The following CELF4 variants were observed in gnomAD, a reference collection of about 807,000 sequenced individuals.
CELF4 encodes CUG-BP- and ETR-3-like factor 4.
CELF4 carries 18 observed loss-of-function variants against 59.9 expected under a neutral mutation model. The ratio of observed to expected loss-of-function variants is 0.30; its 90% CI spans 0.21 to 0.45. The LOEUF is 0.45. CELF4 is among the 20% of genes least tolerant of loss of function. The pLI is 1.00. For missense variants in CELF4, 456 were observed against 689.0 expected (o/e 0.66, Z 3.79); for synonymous variants, 261 against 267.1 (o/e 0.98, Z 0.22).
intron 2 of CELF4, among the ~76,000 whole-genome samples, chr18:37,337,687 C>T (rs192688716): frequency 6.6e-6 from 1 of 152,320 alleles, no homozygotes; most frequent in East Asian, 1.9e-4. Context: ...GCCCCTTTAT[C>T]TTCAGCACAA....
At chr18:37,468,592 C>T (rs1201602908) in intron 2 of CELF4, among the ~76,000 whole-genome samples, 1 of 152,162 alleles carries the variant, frequency 6.6e-6, no homozygotes, top group Non-Finnish European at 1.5e-5. Flanking sequence ...GGATTTCCTT[C>T]TCCTGTTGTG....
intron 2 of CELF4, among the ~76,000 whole-genome samples, chr18:37,426,895 T>A (rs2099616586): frequency 6.7e-6 from 1 of 149,380 alleles, no homozygotes; most frequent in Non-Finnish European, 1.5e-5. Flanking sequence ...TACTTGGCTC[T>A]CCCGAAAAGC....
intron 2 of CELF4, among the ~76,000 whole-genome samples, chr18:37,391,137 C>T (rs1351593831): frequency 1.3e-5 from 2 of 152,004 alleles, no homozygotes; most frequent in Non-Finnish European, 2.9e-5. Context: ...GGGAGGGGTC[C>T]CTAAATCACA....
At position 37,337,924 on chromosome 18, in the gene CELF4, C is replaced by T. The variant is rs947968226; in HGVS notation, c.370-16043G>A. Among the ~76,000 whole-genome samples, 166 of 152,216 alleles carry T rather than the reference C, an allele frequency of 1.1e-3. 2 individuals carry two copies. The highest frequency in any genetic ancestry group is 4.0e-4 in the Non-Finnish European group (27 of 68,042). ...GCCTGTCTGTGTTTAACCTGACCCC[C>T]GCCCCATGTTTGCAACAAACATCTG... On this transcript the variant is annotated intron_variant, in intron 2 of 12. Coordinates refer to ENST00000420428, the MANE Select transcript of CELF4 (RefSeq NM_020180.4).
chr18:37,384,012 G>A (rs1011348560), intron 2 of CELF4, among the ~76,000 whole-genome samples: 10 of 152,178 alleles, frequency 6.6e-5, no homozygotes, highest in African/African-American at 1.2e-4. Context: ...CTGCACTGAC[G>A]GCTCCTCCAC....
chr18:37,427,236 TG>T (rs1317441713), intron 2 of CELF4, among the ~76,000 whole-genome samples: 6 of 152,180 alleles, frequency 3.9e-5, no homozygotes, highest in Non-Finnish European at 8.8e-5. Flanking sequence ...GGAGGGGTTC[TG>T]GGGTGGCCTC....
chr18:37,367,684 T>C (rs567613141), intron 2 of CELF4, among the ~76,000 whole-genome samples: 12 of 151,076 alleles, frequency 7.9e-5, no homozygotes, highest in African/African-American at 2.7e-4. Context: ...CTGTGTTTTT[T>C]TCTTTTCTTT....
rs151165235 is a variant in CELF4 at position 37,285,154 on chromosome 18, T to TC, written c.449-9912dup. ...CTGCAAGGGAGTGGGCTCATGGGAT[T>TC]CCCATTGCCTGGGGTCCCAGTTAGG... is the stretch of plus-strand genomic sequence containing the variant. On this transcript the variant is annotated intron_variant, in intron 3 of 12. Coordinates refer to ENST00000420428, the MANE Select transcript of CELF4 (RefSeq NM_020180.4). Among the ~76,000 whole-genome samples the TC allele has an allele frequency of 8.1e-3, 1,228 of 152,324 alleles. 17 individuals are homozygous for TC. The highest frequency in any genetic ancestry group is 0.028 in the African/African-American group (1,180 of 41,576).
At chr18:37,531,087 G>C (rs1289261670) in intron 1 of CELF4, among the ~76,000 whole-genome samples, 1 of 152,100 alleles carries the variant, frequency 6.6e-6, no homozygotes, top group Non-Finnish European at 1.5e-5. Flanking sequence ...GAGGTCACAG[G>C]CTTGTCGGTG....
chr18:37,428,529 C>T (rs2099628382), intron 2 of CELF4, among the ~76,000 whole-genome samples: 1 of 152,176 alleles, frequency 6.6e-6, no homozygotes. Flanking sequence ...GTAGCTGCAT[C>T]AGAACTCACA....
chr18:37,372,512 T>C (rs1473047906), intron 2 of CELF4, among the ~76,000 whole-genome samples: 1 of 152,048 alleles, frequency 6.6e-6, no homozygotes, highest in Non-Finnish European at 1.5e-5. Context: ...AGGATAGCAT[T>C]AAGAGAAATA....
At chr18:37,459,077 C>G (rs547252545) in intron 2 of CELF4, among the ~76,000 whole-genome samples, 1 of 152,324 alleles carries the variant, frequency 6.6e-6, no homozygotes, top group South Asian at 2.1e-4. Context: ...GCTTTCCGGG[C>G]TCATCGCTGA....
intron 3 of CELF4, among the ~76,000 whole-genome samples, chr18:37,280,923 G>T (rs1602313732): frequency 6.6e-6 from 1 of 152,276 alleles, no homozygotes; most frequent in East Asian, 1.9e-4. Flanking sequence ...AAAGCATTGG[G>T]TGACACCCGG....
In CELF4 at chr18:37,281,070, C is replaced by T. The variant is rs147395924; in HGVS notation, c.449-5827G>A. The stretch of plus-strand genomic sequence containing the variant: ...CAGGGTATCAGGGAAGGATGGGGCT[C>T]GGGCTGAAAGGATTTGTATTTTAAA... On this transcript the variant is annotated intron_variant, in intron 3 of 12. Coordinates refer to ENST00000420428, the MANE Select transcript of CELF4 (RefSeq NM_020180.4). 9.2e-3 allele frequency among the ~76,000 whole-genome samples: 1,405 copies of T among 152,250 alleles called. 21 individuals carry two copies. Among genetic ancestry groups the T allele is most frequent in the Non-Finnish European group, 0.015 (1,048 of 68,008 alleles).
chr18:37,301,522 A>C (rs1353126402), intron 3 of CELF4, among the ~76,000 whole-genome samples: 2 of 152,048 alleles, frequency 1.3e-5, no homozygotes, highest in African/African-American at 4.8e-5. Flanking sequence ...ATCTGATTGC[A>C]CTGGGGGCTG....
intron 1 of CELF4, among the ~76,000 whole-genome samples, chr18:37,533,724 G>A (rs1347411874): frequency 6.6e-6 from 1 of 152,218 alleles, no homozygotes; most frequent in Non-Finnish European, 1.5e-5. Flanking sequence ...GAGAATGGAG[G>A]CCCACCTGTA....
intron 2 of CELF4, among the ~76,000 whole-genome samples, chr18:37,392,849 T>C (rs2099179789): frequency 6.6e-6 from 1 of 152,208 alleles, no homozygotes; most frequent in Non-Finnish European, 1.5e-5. Flanking sequence ...GCCCCTTCCC[T>C]TTCCCCCGTC....
chr18:37,386,655 T>C (rs989563741), intron 2 of CELF4, among the ~76,000 whole-genome samples: 3 of 152,198 alleles, frequency 2.0e-5, no homozygotes, highest in African/African-American at 7.2e-5. Context: ...TTAAACGAGA[T>C]TGGAAAGTCT....
In CELF4 at chr18:37,482,389, GC is replaced by G. The variant is rs2099870290; in HGVS notation, c.369+3135del. Among the ~76,000 whole-genome samples, 5 of 152,200 alleles carry G rather than the reference GC, an allele frequency of 3.3e-5. No individual in the cohort carries two copies. The South Asian group carries it at 1.0e-3, about 32-fold the overall frequency. On this transcript the variant is annotated intron_variant, in intron 2 of 12. Transcript: ENST00000420428. The stretch of plus-strand genomic sequence containing the variant: ...GAGATTAGAAAAAGGGAGTCACTCT[GC>G]CTGGATTCTGGCAGAAGGCAGTGCT...
Sources: gnomAD v4.1 joint callset for allele counts (sites outside exome capture counted in the v4.1 genomes callset) on GRCh38, gnomAD v4.1.1 for gene constraint, MANE v1.5 for transcripts, NCBI Gene and HGNC (gene_info 2026-07-23, HGNC 2026-07-21) for gene names.